Variants in MED12L observed in about 807,000 individuals in gnomAD.
MED12L encodes mediator complex subunit 12L.
In MED12L, 60 loss-of-function variants were observed where a neutral mutation model predicts 281.3. The ratio of observed to expected loss-of-function variants is 0.21; its 90% CI spans 0.17 to 0.26. MED12L has a LOEUF of 0.26. Ranked by LOEUF, MED12L falls within the 10% of genes least tolerant of loss-of-function variation. The pLI is 1.00. For synonymous variants in MED12L, 974 were observed against 987.2 expected (o/e 0.99, Z 0.25); for missense variants, 2,146 against 2,680.9 (o/e 0.80, Z 4.41).
At chr3:151,201,128 A>G (rs1290208753) in intron 16 of MED12L, 2 of 152,194 alleles carry the variant, frequency 1.3e-5, no homozygotes, top group African/African-American at 2.4e-5. Context: ...ATAAAGCTGA[A>G]ATAAACTATT....
chr3:151,387,711 C>A lies in MED12L; in HGVS notation c.5089-99C>A, dbSNP rs1713630311. On this transcript the variant is annotated intron_variant, in intron 36 of 44. Transcript: ENST00000687756. ...ATTCTCGGGTTCTCTAGGGCTCATG[C>A]CAGCCAAAGTGTTCTCTGACTCCAT... 6 of 1,433,606 alleles carry A rather than the reference C, an allele frequency of 4.2e-6. No individual in the cohort carries two copies. The African/African-American group carries it at 4.3e-5, about 10-fold the overall frequency. The allele number at this position is 1,433,606 out of a possible 1,614,324, so 88.8% of individuals were successfully genotyped here.
chr3:151,192,453 CAG>C, intron 14 of MED12L, 95 bp from the exon 15 acceptor site: 1 of 878,804 alleles, frequency 1.1e-6, no homozygotes, highest in Admixed American at 2.1e-5. Flanking sequence ...GAACAAAAGA[CAG>C]AGATGGTTAA....
intron 2 of MED12L, among the ~76,000 whole-genome samples, chr3:151,110,823 G>A (rs1041729894): frequency 1.3e-5 from 2 of 152,126 alleles, no homozygotes; most frequent in Non-Finnish European, 2.9e-5. Context: ...AGGGGGTATG[G>A]TAGAGAATTC....
At chr3:151,306,143 A>G (rs1184955026) in intron 16 of MED12L, among the ~76,000 whole-genome samples, 2 of 152,132 alleles carry the variant, frequency 1.3e-5, no homozygotes, top group African/African-American at 2.4e-5. Context: ...TAGATCCCCA[A>G]TTGTTCTACT....
At chr3:151,255,353 T>A (rs1737620843) in intron 16 of MED12L, among the ~76,000 whole-genome samples, 1 of 152,062 alleles carries the variant, frequency 6.6e-6, no homozygotes, top group Admixed American at 6.6e-5. Flanking sequence ...TTTGCCATAG[T>A]TCAAAAGTTG....
Position 151,087,028 on chromosome 3 carries a change from A to G in MED12L, c.99+3A>G. ...CACAGGACCCCAAGCAGAAGGAGGT[A>G]AGGGCGCCGGCGGCCTCCCCGGCAA... On this transcript the variant is annotated splice_donor_region_variant and intron_variant, in intron 2 of 44. Coordinates refer to ENST00000687756, the MANE Select transcript of MED12L (RefSeq NM_001393769.1). 1 of 1,603,088 alleles carries G rather than the reference A, an allele frequency of 6.2e-7. No individual in the cohort carries two copies. Among genetic ancestry groups the G allele is most frequent in the Non-Finnish European group, 8.5e-7 (1 of 1,175,632 alleles).
At position 151,435,535 on chromosome 3, in the gene MED12L, G is replaced by T. The variant is rs1202408503; in HGVS notation, c.*2731G>T. On this transcript the variant is annotated 3_prime_UTR_variant, in exon 45 of 45. Coordinates refer to ENST00000687756, the MANE Select transcript of MED12L (RefSeq NM_001393769.1). ...CCACATGTCTCAAATGATTGGCAGG[G>T]GCTAACTTATTAGTAATTCTCGGTT... The T allele has an allele frequency of 6.6e-6, 1 of 151,948 alleles. No homozygotes were observed. Among genetic ancestry groups the T allele is most frequent in the Admixed American group, 6.6e-5 (1 of 15,260 alleles). 9.4% of individuals were successfully genotyped at this position (151,948 alleles called of 1,614,324 possible).
At chr3:151,183,213 C>T (rs1369818461) in intron 11 of MED12L, among the ~76,000 whole-genome samples, 1 of 152,178 alleles carries the variant, frequency 6.6e-6, no homozygotes, top group Non-Finnish European at 1.5e-5. Context: ...CCCTAGTTAA[C>T]AGTGTGACTA....
chr3:151,142,372 C>T (rs935676602), intron 5 of MED12L, among the ~76,000 whole-genome samples: 4 of 152,190 alleles, frequency 2.6e-5, no homozygotes, highest in Non-Finnish European at 5.9e-5. Context: ...TGTTGGGCAT[C>T]TTGCAGATCT....
At chr3:151,278,229 G>C (rs972566702) in intron 16 of MED12L, 2 of 152,192 alleles carry the variant, frequency 1.3e-5, no homozygotes, top group African/African-American at 4.8e-5. Flanking sequence ...AATCTTTTCT[G>C]TTCCCATGCA....
intron 16 of MED12L, among the ~76,000 whole-genome samples, chr3:151,197,497 T>C (rs998460644): frequency 9.2e-5 from 14 of 152,182 alleles, no homozygotes; most frequent in Non-Finnish European, 2.9e-5. Context: ...CAGGCTCATC[T>C]TTCTGGACCT....
At chr3:151,338,943 C>CACAGAGATAACTTTT in intron 16 of MED12L, 1 of 1,198,910 alleles carries the variant, frequency 8.3e-7, no homozygotes, top group Non-Finnish European at 1.2e-6. Flanking sequence ...TTTTTGGACA[C>CACAGAGATAACTTTT]AGCCTCCTCT....
intron 16 of MED12L, among the ~76,000 whole-genome samples, chr3:151,217,420 C>G (rs1195360486): frequency 6.6e-6 from 1 of 152,176 alleles, no homozygotes; most frequent in Non-Finnish European, 1.5e-5. Context: ...TGATATACAC[C>G]ATTCCCCTTC....
At chr3:151,166,466 T>C (rs1475483098) in intron 11 of MED12L, among the ~76,000 whole-genome samples, 1 of 151,992 alleles carries the variant, frequency 6.6e-6, no homozygotes, top group Admixed American at 6.6e-5. Context: ...TATATGTGTA[T>C]GCGTACATAT....
chr3:151,253,370 G>A (rs573330127), intron 16 of MED12L, among the ~76,000 whole-genome samples: 1 of 152,356 alleles, frequency 6.6e-6, no homozygotes, highest in African/African-American at 2.4e-5. Flanking sequence ...TGGAGCAACA[G>A]CAGCATAAGA....
At chr3:151,177,323 CATGGT>C (rs1373308644) in intron 11 of MED12L, among the ~76,000 whole-genome samples, 1 of 151,714 alleles carries the variant, frequency 6.6e-6, no homozygotes, top group Non-Finnish European at 1.5e-5. Flanking sequence ...TGAGCAGCAG[CATGGT>C]ATAGCAGAAT....
chr3:151,364,224 G>C (rs1460131857), intron 21 of MED12L, among the ~76,000 whole-genome samples: 1 of 152,152 alleles, frequency 6.6e-6, no homozygotes, highest in Non-Finnish European at 1.5e-5. Flanking sequence ...TCACAGAGCA[G>C]GTTTGGAGGA....
At chr3:151,373,068 C>A (rs1307940812) in intron 27 of MED12L, among the ~76,000 whole-genome samples, 2 of 152,044 alleles carry the variant, frequency 1.3e-5, no homozygotes, top group Non-Finnish European at 2.9e-5. Context: ...ATATTTTATT[C>A]TTTTGAATAT....
chr3:151,425,277 G>T (rs190528080), intron 43 of MED12L: 1 of 169,714 alleles, frequency 5.9e-6, no homozygotes, highest in Non-Finnish European at 1.3e-5. Context: ...TATTTAAATA[G>T]AAATTACTAA....
Sources: gnomAD v4.1 joint callset for allele counts (sites outside exome capture counted in the v4.1 genomes callset) on GRCh38, gnomAD v4.1.1 for gene constraint, MANE v1.5 for transcripts, NCBI Gene and HGNC (gene_info 2026-07-23, HGNC 2026-07-21) for gene names.